SLC24A3: variants seen among roughly 807,000 people sequenced by gnomAD.
SLC24A3 encodes solute carrier family 24 member 3.
Under a neutral mutation model 75.8 loss-of-function variants are expected in SLC24A3, and 28 were observed. That is an observed-to-expected ratio of 0.37 (90% CI 0.27 to 0.51). The LOEUF (loss-of-function observed/expected upper bound fraction) is 0.51, where lower values mean the gene tolerates loss of function less well. SLC24A3 is among the 20% of genes least tolerant of loss of function. The probability of loss-of-function intolerance (pLI) is 0.94; values close to 1 mark genes in which losing one functional copy is unlikely to be tolerated. For missense variants in SLC24A3, 663 were observed against 847.8 expected (o/e 0.78, Z 2.71); for synonymous variants, 372 against 334.1 (o/e 1.11, Z -1.24).
chr20:19,322,362 CT>C (rs1984729814), intron 2 of SLC24A3, among the ~76,000 whole-genome samples: 1 of 39,884 alleles, frequency 2.5e-5, no homozygotes, highest in African/African-American at 3.5e-4. Context: ...TCCTTCCTTC[CT>C]TCCCTTCCTT....
At chr20:19,585,096 T>C in intron 5 of SLC24A3, 41 bp downstream of exon 5, 1 of 1,563,166 alleles carries the variant, frequency 6.4e-7, no homozygotes, top group Admixed American at 1.7e-5. Flanking sequence ...CTTCACTGTC[T>C]GAAGGAAAAG....
intron 2 of SLC24A3, among the ~76,000 whole-genome samples, chr20:19,399,797 A>G (rs1986517973): frequency 2.6e-5 from 4 of 152,148 alleles, no homozygotes; most frequent in Admixed American, 2.6e-4. Flanking sequence ...TCTACTATCT[A>G]CTTACTAGCT....
rs572176010 is a variant in SLC24A3 at position 19,247,850 on chromosome 20, A to G, written c.143-33109A>G. Among the ~76,000 whole-genome samples, 164 of 152,348 alleles carry G rather than the reference A, an allele frequency of 1.1e-3. No individual in the cohort carries two copies. The South Asian group carries it at 0.013, about 12-fold the overall frequency. ...GTGATTTGCTTTTTAGATGTTTTAT[A>G]TCTACTTGATGACACTGTTGTAGGT... is the stretch of plus-strand genomic sequence containing the variant. On this transcript the variant is annotated intron_variant, in intron 1 of 16. Transcript: ENST00000328041.
intron 2 of SLC24A3, among the ~76,000 whole-genome samples, chr20:19,479,825 T>A (rs80113285): frequency 0.044 from 6,629 of 152,258 alleles, 455 homozygotes; most frequent in African/African-American, 0.14. Flanking sequence ...GACACTTGCA[T>A]GAGGACCATG....
At chr20:19,401,316 A>G (rs1157129295) in intron 2 of SLC24A3, among the ~76,000 whole-genome samples, 2 of 152,214 alleles carry the variant, frequency 1.3e-5, no homozygotes, top group African/African-American at 2.4e-5. Context: ...GAGTAAGAAC[A>G]GCTCATGCAG....
At chr20:19,635,083 A>G (rs1423427541) in intron 6 of SLC24A3, among the ~76,000 whole-genome samples, 4 of 152,194 alleles carry the variant, frequency 2.6e-5, no homozygotes, top group East Asian at 3.8e-4. Flanking sequence ...TAGAGGATCT[A>G]TCTCTTTCTG....
intron 3 of SLC24A3, among the ~76,000 whole-genome samples, chr20:19,550,507 T>C (rs1237115022): frequency 3.3e-5 from 5 of 152,202 alleles, no homozygotes; most frequent in Non-Finnish European, 4.4e-5. Flanking sequence ...GACTTATGTG[T>C]AGCAACTAAA....
intron 2 of SLC24A3, among the ~76,000 whole-genome samples, chr20:19,425,042 C>T (rs1986981882): frequency 2.0e-5 from 3 of 152,214 alleles, no homozygotes; most frequent in Admixed American, 6.5e-5. Context: ...CAGTGACTTA[C>T]ACCTGTAATC....
At chr20:19,520,829 CA>C (rs1299267684) in intron 3 of SLC24A3, among the ~76,000 whole-genome samples, 1 of 152,158 alleles carries the variant, frequency 6.6e-6, no homozygotes, top group African/African-American at 2.4e-5. Flanking sequence ...AGCTTACATC[CA>C]AATTCTCTCT....
In SLC24A3 at chr20:19,681,921, C is replaced by T. The variant is rs142993405; in HGVS notation, c.831C>T (p.Asn277=). Residue 277 remains asparagine, a synonymous_variant, in exon 10 of 17, where the codon AAC becomes AAT. Transcript: ENST00000328041. ...CAAAAGGTGCCGGGAACATGGTCAA[C>T]GGATTGGCCAACAATGCTGAAATTG... The part of the protein sequence containing the change: ...RRTKGAGNMV[N]GLANNAEIDD... The T allele has an allele frequency of 1.8e-4, 295 of 1,614,150 alleles. No individual in the cohort carries two copies. Among genetic ancestry groups the T allele is most frequent in the Admixed American group, 3.7e-4 (22 of 60,020 alleles).
At chr20:19,463,618 G>A (rs1365231078) in intron 2 of SLC24A3, among the ~76,000 whole-genome samples, 1 of 151,924 alleles carries the variant, frequency 6.6e-6, no homozygotes, top group Non-Finnish European at 1.5e-5. Flanking sequence ...ACTGTGGTGG[G>A]CTAGCCCGGA....
At chr20:19,653,911 T>C (rs1018341236) in intron 6 of SLC24A3, 151 bp from the exon 7 acceptor site, 2 of 563,176 alleles carry the variant, frequency 3.6e-6, no homozygotes, top group African/African-American at 3.8e-5. Flanking sequence ...TCCAGACTAA[T>C]ATGCCTAAAT....
intron 2 of SLC24A3, among the ~76,000 whole-genome samples, chr20:19,338,550 C>T (rs1985191613): frequency 6.6e-6 from 1 of 152,160 alleles, no homozygotes; most frequent in African/African-American, 2.4e-5. Context: ...GGCCTCCTGT[C>T]CAACCTGCCC....
At chr20:19,614,677 A>T in intron 6 of SLC24A3, among the ~76,000 whole-genome samples, 1 of 152,214 alleles carries the variant, frequency 6.6e-6, no homozygotes, top group East Asian at 1.9e-4. Flanking sequence ...TAGCGTTGGG[A>T]GAGTGCACTC....
chr20:19,258,201 C>T lies in SLC24A3; in HGVS notation c.143-22758C>T, dbSNP rs115529286. Among the ~76,000 whole-genome samples the T allele has an allele frequency of 2.2e-3, 330 of 152,330 alleles. 1 individual carries two copies. Among genetic ancestry groups the T allele is most frequent in the African/African-American group, 7.7e-3 (320 of 41,576 alleles). Reference sequence around the variant, plus strand: ...AGGCCCAGCTGCAAGCTCCTGGAGGCGGGCACCTTTGCTGCCTCTGCCCTC... The same window carrying T: ...AGGCCCAGCTGCAAGCTCCTGGAGGTGGGCACCTTTGCTGCCTCTGCCCTC... On this transcript the variant is annotated intron_variant, in intron 1 of 16. Transcript: ENST00000328041.
intron 15 of SLC24A3, among the ~76,000 whole-genome samples, chr20:19,715,087 G>T (rs1407200522): frequency 6.6e-6 from 1 of 152,188 alleles, no homozygotes; most frequent in Non-Finnish European, 1.5e-5. Context: ...TCTACCCAAG[G>T]GTGACTGAGG....
chr20:19,676,986 T>G (rs2032531864), intron 9 of SLC24A3, among the ~76,000 whole-genome samples: 1 of 152,206 alleles, frequency 6.6e-6, no homozygotes, highest in South Asian at 2.1e-4. Context: ...TAATTTCTAC[T>G]ATTATTATAT....
At chr20:19,285,140 C>T (rs1252616385) in intron 2 of SLC24A3, among the ~76,000 whole-genome samples, 1 of 152,240 alleles carries the variant, frequency 6.6e-6, no homozygotes, top group Middle Eastern at 3.4e-3. Flanking sequence ...CTTCTGATGA[C>T]AGCTGCTACT....
chr20:19,460,576 A>G (rs1987653285), intron 2 of SLC24A3, among the ~76,000 whole-genome samples: 1 of 152,184 alleles, frequency 6.6e-6, no homozygotes, highest in African/African-American at 2.4e-5. Flanking sequence ...GAGAGGATGC[A>G]GAGTGAATTA....
Sources: gnomAD v4.1 joint callset for allele counts (sites outside exome capture counted in the v4.1 genomes callset) on GRCh38, gnomAD v4.1.1 for gene constraint, MANE v1.5 for transcripts, NCBI Gene and HGNC (gene_info 2026-07-23, HGNC 2026-07-21) for gene names.